Variants in ZFAT observed in about 807,000 individuals in gnomAD.
The protein encoded by ZFAT is zinc finger and AT-hook domain containing, also known as zinc finger protein ZFAT.
Under a neutral mutation model 117.7 loss-of-function variants are expected in ZFAT, and 64 were observed. The ratio of observed to expected loss-of-function variants is 0.54; its 90% confidence interval spans 0.44 to 0.67. The LOEUF (loss-of-function observed/expected upper bound fraction) is 0.67, where lower values mean the gene tolerates loss of function less well. ZFAT is among the 30% of genes least tolerant of loss of function. The pLI is 0.00. For synonymous variants in ZFAT, 679 were observed against 615.0 expected (o/e 1.10, Z -1.54); for missense variants, 1,433 against 1,584.5 (o/e 0.90, Z 1.62).
At chr8:134,656,937 A>G (rs1831642672) in intron 2 of ZFAT, among the ~76,000 whole-genome samples, 1 of 152,232 alleles carries the variant, frequency 6.6e-6, no homozygotes, top group African/African-American at 2.4e-5. Context: ...CACTACAGAC[A>G]AGATGCATCT....
intron 15 of ZFAT, among the ~76,000 whole-genome samples, chr8:134,505,629 T>A (rs1410610846): frequency 6.6e-6 from 1 of 151,496 alleles, no homozygotes; most frequent in Non-Finnish European, 1.5e-5. Flanking sequence ...GAGGTCAGAG[T>A]GAGTGGATGT....
At chr8:134,683,992 G>A (rs923659941) in intron 1 of ZFAT, among the ~76,000 whole-genome samples, 1 of 152,210 alleles carries the variant, frequency 6.6e-6, no homozygotes, top group African/African-American at 2.4e-5. Flanking sequence ...CTGCAGGTTA[G>A]GTCTGGCCTA....
intron 11 of ZFAT, among the ~76,000 whole-genome samples, chr8:134,552,716 C>T (rs1350740870): frequency 6.6e-6 from 1 of 152,190 alleles, no homozygotes; most frequent in East Asian, 1.9e-4. Context: ...GAGGAGTGAT[C>T]TGAGCTATTT....
At chr8:134,681,784 C>T (rs1017561988) in intron 1 of ZFAT, among the ~76,000 whole-genome samples, 3 of 152,064 alleles carry the variant, frequency 2.0e-5, no homozygotes, top group Admixed American at 6.6e-5. Context: ...TTTTCATTTG[C>T]CCTTAAGTTA....
At chr8:134,643,889 T>C (rs571979169) in intron 2 of ZFAT, among the ~76,000 whole-genome samples, 33 of 152,314 alleles carry the variant, frequency 2.2e-4, no homozygotes, top group African/African-American at 7.5e-4. Context: ...TTCCAAGACG[T>C]GTGCCCTTTC....
intron 1 of ZFAT, among the ~76,000 whole-genome samples, chr8:134,692,871 C>A (rs747832670): frequency 1.3e-5 from 2 of 152,060 alleles, no homozygotes; most frequent in Admixed American, 1.3e-4. Flanking sequence ...CAGGACTGAG[C>A]AAATAAGTAA....
chr8:134,532,780 G>C, intron 12 of ZFAT, 54 bp downstream of exon 12: 1 of 1,591,860 alleles, frequency 6.3e-7, no homozygotes, highest in South Asian at 1.1e-5. Flanking sequence ...CCCAATGGGG[G>C]ACTTGGCCTA....
intron 3 of ZFAT, among the ~76,000 whole-genome samples, 160 bp downstream of exon 3, chr8:134,637,301 G>A (rs545559472): frequency 4.5e-4 from 68 of 152,298 alleles, no homozygotes; most frequent in African/African-American, 1.6e-3. Flanking sequence ...GACTACTTAC[G>A]GTAATAGTCA....
chr8:134,720,627 C>T, the ZFAT span, among the ~76,000 whole-genome samples: 2 of 152,230 alleles, frequency 1.3e-5, no homozygotes, highest in Non-Finnish European at 2.9e-5. Context: ...CCAAGGAGGA[C>T]GATCCAGGGC....
At chr8:134,759,970 C>CAAAA in the ZFAT span, among the ~76,000 whole-genome samples, 230 of 52,890 alleles carry the variant, frequency 4.3e-3, 1 homozygote, top group East Asian at 7.3e-3. Context: ...GACTCCGTCT[C>CAAAA]AAAAAAAAAA....
chr8:134,695,351 T>G (rs1477816162), intron 1 of ZFAT, among the ~76,000 whole-genome samples: 1 of 152,142 alleles, frequency 6.6e-6, no homozygotes, highest in African/African-American at 2.4e-5. Context: ...CAAGAGCCAC[T>G]CCCCGGCTGC....
intron 12 of ZFAT, among the ~76,000 whole-genome samples, chr8:134,528,448 T>C (rs914560846): frequency 2.0e-5 from 3 of 152,228 alleles, no homozygotes; most frequent in Non-Finnish European, 4.4e-5. Context: ...ACATCACCTG[T>C]GGGTTACCTC....
chr8:134,570,567 C>T (rs1242230606), intron 10 of ZFAT, among the ~76,000 whole-genome samples: 1 of 152,164 alleles, frequency 6.6e-6, no homozygotes, highest in Non-Finnish European at 1.5e-5. Flanking sequence ...GTTGTGGGTA[C>T]TTTGAGACAA....
intron 1 of ZFAT, among the ~76,000 whole-genome samples, chr8:134,670,329 C>T (rs1293771180): frequency 6.6e-6 from 1 of 152,220 alleles, no homozygotes; most frequent in Non-Finnish European, 1.5e-5. Flanking sequence ...ACACTTAATC[C>T]AAAATTGACC....
intron 11 of ZFAT, among the ~76,000 whole-genome samples, chr8:134,533,793 A>G (rs1821609830): frequency 6.6e-6 from 1 of 152,200 alleles, no homozygotes; most frequent in Non-Finnish European, 1.5e-5. Flanking sequence ...GGGCTGGGGA[A>G]AGAAGCACCT....
chr8:134,711,925 C>T (rs764717669), intron 1 of ZFAT, among the ~76,000 whole-genome samples: 1 of 152,198 alleles, frequency 6.6e-6, no homozygotes, highest in Non-Finnish European at 1.5e-5. Flanking sequence ...AGTAGATGAA[C>T]TGGTAGGCTC....
At chr8:134,572,622 C>T (rs1221090831) in intron 10 of ZFAT, among the ~76,000 whole-genome samples, 2 of 152,240 alleles carry the variant, frequency 1.3e-5, no homozygotes, top group Non-Finnish European at 2.9e-5. Context: ...TGCGAATAAT[C>T]TCAGGAGTAG....
At chr8:134,554,706 ACT>A (rs1823432167) in intron 11 of ZFAT, among the ~76,000 whole-genome samples, 1 of 151,984 alleles carries the variant, frequency 6.6e-6, no homozygotes, top group Non-Finnish European at 1.5e-5. Flanking sequence ...AGAGACAGAA[ACT>A]CTGCAGCATC....
chr8:134,772,633 C>T, the ZFAT span, among the ~76,000 whole-genome samples: 1 of 152,200 alleles, frequency 6.6e-6, no homozygotes, highest in African/African-American at 2.4e-5. Flanking sequence ...TAAGAAGCTG[C>T]AGCAAGTGAT....
Sources: gnomAD v4.1 joint callset for allele counts (sites outside exome capture counted in the v4.1 genomes callset) on GRCh38, gnomAD v4.1.1 for gene constraint, MANE v1.5 for transcripts, NCBI Gene and HGNC (gene_info 2026-07-23, HGNC 2026-07-21) for gene names.